Variants in SCOC observed in about 807,000 individuals in gnomAD.
SCOC encodes short coiled coil protein.
A neutral mutation model predicts 9.9 loss-of-function variants in SCOC; 7 were observed. The ratio of observed to expected loss-of-function variants is 0.71; its 90% CI spans 0.40 to 1.33. The LOEUF is 1.33. Ranked by LOEUF, SCOC falls within the 40% of genes most tolerant of loss-of-function variation. SCOC has a pLI of 0.01. For missense variants in SCOC, 66 were observed against 89.7 expected (o/e 0.74, Z 1.07); for synonymous variants, 19 against 28.2 (o/e 0.67, Z 1.03).
upstream of SCOC, among the ~76,000 whole-genome samples, chr4:140,369,857 ATTTTTTTTTTTTTTTTTTTTTT>A (rs540817613): frequency 2.9e-4 from 9 of 31,422 alleles, 1 homozygote; most frequent in African/African-American, 7.1e-4. Context: ...CAGAAGGGGG[ATTTTTTTTTTTTTTTTTTTTTT>A]TTTTTTTTTT....
intron 1 of SCOC, among the ~76,000 whole-genome samples, chr4:140,295,382 A>G (rs1437656716): frequency 6.6e-6 from 1 of 152,186 alleles, no homozygotes; most frequent in Admixed American, 6.5e-5. Context: ...CTCCATGTGA[A>G]TGTGACCTCT....
intron 1 of SCOC, among the ~76,000 whole-genome samples, chr4:140,333,731 A>G (rs1732882609): frequency 6.6e-6 from 1 of 152,214 alleles, no homozygotes; most frequent in Admixed American, 6.5e-5. Context: ...TGGATGCCAC[A>G]TGAATATTTG....
chr4:140,290,439 T>A (rs1731438279), intron 1 of SCOC, among the ~76,000 whole-genome samples: 1 of 152,204 alleles, frequency 6.6e-6, no homozygotes, highest in South Asian at 2.1e-4. Context: ...ACTTCCCCCA[T>A]GCCTTTGGTT....
chr4:140,309,137 A>G (rs1258351603), intron 1 of SCOC, among the ~76,000 whole-genome samples: 1 of 152,234 alleles, frequency 6.6e-6, no homozygotes, highest in East Asian at 1.9e-4. Flanking sequence ...GATCATTGAT[A>G]CCATCTTCCC....
intron 2 of SCOC, among the ~76,000 whole-genome samples, chr4:140,346,328 G>A (rs1482795836): frequency 1.3e-5 from 2 of 152,162 alleles, no homozygotes; most frequent in Admixed American, 1.3e-4. Flanking sequence ...GCCGAGTGCG[G>A]TATTGGAAGC....
At chr4:140,322,116 A>G (rs538584066) in intron 1 of SCOC, among the ~76,000 whole-genome samples, 1 of 152,294 alleles carries the variant, frequency 6.6e-6, no homozygotes, top group East Asian at 1.9e-4. Context: ...CTTTAAAATA[A>G]ATTGTCTAGT....
intron 1 of SCOC, among the ~76,000 whole-genome samples, chr4:140,335,084 A>G (rs1295613146): frequency 1.3e-5 from 2 of 152,248 alleles, no homozygotes; most frequent in Non-Finnish European, 2.9e-5. Flanking sequence ...AGAATTTCCT[A>G]ATATTTCCTT....
upstream of SCOC, among the ~76,000 whole-genome samples, chr4:140,340,044 A>G (rs901074044): frequency 6.6e-6 from 1 of 152,238 alleles, no homozygotes; most frequent in African/African-American, 2.4e-5. Flanking sequence ...AAGACTTGGA[A>G]CCAACCCAAA....
chr4:140,379,073 T>C, intron 1 of SCOC, 48 bp from the exon 2 acceptor site: 2 of 1,107,836 alleles, frequency 1.8e-6, no homozygotes, highest in South Asian at 1.2e-5. Context: ...AACAGGCTTA[T>C]AGTTTATTGC....
intron 1 of SCOC, among the ~76,000 whole-genome samples, chr4:140,275,826 T>G (rs945738586): frequency 1.3e-5 from 2 of 148,862 alleles, no homozygotes; most frequent in South Asian, 2.2e-4. Flanking sequence ...GTTTGTTTTT[T>G]TTTTTTTTTT....
intron 1 of SCOC, among the ~76,000 whole-genome samples, chr4:140,292,695 T>A (rs1467689995): frequency 6.6e-6 from 1 of 152,226 alleles, no homozygotes; most frequent in Non-Finnish European, 1.5e-5. Flanking sequence ...GGGACGTTGC[T>A]GTATCTTTCT....
At chr4:140,376,043 T>C (rs1728330141) in intron 1 of SCOC, among the ~76,000 whole-genome samples, 1 of 152,186 alleles carries the variant, frequency 6.6e-6, no homozygotes, top group Non-Finnish European at 1.5e-5. Context: ...TGACATGGAA[T>C]TAGATTGATG....
chr4:140,329,177 C>A (rs1732737295), intron 1 of SCOC, among the ~76,000 whole-genome samples: 1 of 152,224 alleles, frequency 6.6e-6, no homozygotes. Context: ...TTTGACAAAG[C>A]AAGCAAAAAC....
At chr4:140,312,806 G>A (rs1732194277) in intron 1 of SCOC, among the ~76,000 whole-genome samples, 1 of 152,118 alleles carries the variant, frequency 6.6e-6, no homozygotes, top group South Asian at 2.1e-4. Flanking sequence ...GTTGTCACAT[G>A]TCATAACCTT....
rs1045688026 is a variant in SCOC at position 140,288,461 on chromosome 4, C to T, written c.-19+31051C>T. Among the ~76,000 whole-genome samples, 24 of 135,832 alleles carry T rather than the reference C, an allele frequency of 1.8e-4. No individual in the cohort carries two copies. In the South Asian group the frequency reaches 1.8e-3, roughly 10 times the overall value. The allele number at this position is 135,832 out of a possible 152,430, so 89.1% of individuals were successfully genotyped here. On this transcript the variant is annotated intron_variant, in intron 1 of 4. Transcript: ENST00000394205. ...ACACATGTACACATCACACACATAA[C>T]GCAATCCTATACACTACACACATAA...
rs1728231825 is a variant in SCOC, at chr4:140,374,330, T to A, written c.-51+613T>A. On this transcript the variant is annotated intron_variant, in intron 1 of 3. Coordinates refer to ENST00000608372, the MANE Select transcript of SCOC (RefSeq NM_001153484.2). ...CATTCCTGAAAGGCAGGGCTTCTGT[T>A]ATACAGTGTGTCAACCTCACACTAT... 8.2e-6 allele frequency: 3 copies of A among 366,658 alleles called. No homozygotes were observed. In the East Asian group the frequency reaches 2.2e-4, roughly 27 times the overall value. The allele number at this position is 366,658 out of a possible 1,614,324, so 22.7% of individuals were successfully genotyped here.
intron 2 of SCOC, among the ~76,000 whole-genome samples, chr4:140,352,157 T>C (rs140586039): frequency 1.5e-3 from 226 of 152,282 alleles, no homozygotes; most frequent in African/African-American, 5.2e-3. Flanking sequence ...CTTTACACCC[T>C]CCAATGAATT....
At chr4:140,295,961 A>G (rs1731623979) in intron 1 of SCOC, among the ~76,000 whole-genome samples, 2 of 151,586 alleles carry the variant, frequency 1.3e-5, no homozygotes, top group South Asian at 2.1e-4. Context: ...AGAAAGAAAA[A>G]AAAAAAGAAA....
chr4:140,346,928 G>C (rs1419497974), intron 2 of SCOC, among the ~76,000 whole-genome samples: 3 of 152,112 alleles, frequency 2.0e-5, no homozygotes, highest in African/African-American at 7.2e-5. Flanking sequence ...TTTCACACTA[G>C]ATTGAACTAT....
Sources: gnomAD v4.1 joint callset for allele counts (sites outside exome capture counted in the v4.1 genomes callset) on GRCh38, gnomAD v4.1.1 for gene constraint, MANE v1.5 for transcripts, NCBI Gene and HGNC (gene_info 2026-07-23, HGNC 2026-07-21) for gene names.